Variants in LHFPL3 observed in about 807,000 individuals in gnomAD.
LHFPL3 encodes LHFPL tetraspan subfamily member 3 protein.
Under a neutral mutation model 19.3 loss-of-function variants are expected in LHFPL3, and 5 were observed. The observed-to-expected ratio is 0.26, with a 90% CI of 0.14 to 0.54. The LOEUF (loss-of-function observed/expected upper bound fraction) is 0.54. Ranked by LOEUF, LHFPL3 falls within the 20% of genes least tolerant of loss-of-function variation. The pLI, the probability that LHFPL3 is intolerant of heterozygous loss-of-function variation, is 0.94. For synonymous variants in LHFPL3, 133 were observed against 126.2 expected, an observed-to-expected ratio of 1.05 and a Z score of -0.36; for missense variants, 249 against 307.4, an observed-to-expected ratio of 0.81 and a Z score of 1.42.
At chr7:104,796,010 G>T (rs1790117778) in intron 2 of LHFPL3, among the ~76,000 whole-genome samples, 1 of 152,198 alleles carries the variant, frequency 6.6e-6, no homozygotes, top group Non-Finnish European at 1.5e-5. Context: ...CAGTGCCGGG[G>T]CTTCTGCCTT....
intron 2 of LHFPL3, among the ~76,000 whole-genome samples, chr7:104,800,471 C>T (rs1213147733): frequency 2.6e-5 from 4 of 152,186 alleles, no homozygotes; most frequent in Non-Finnish European, 5.9e-5. Context: ...ACGTGCCTTC[C>T]TTAAACTTAT....
chr7:104,471,170 T>G (rs1792900730), intron 1 of LHFPL3, among the ~76,000 whole-genome samples: 1 of 152,222 alleles, frequency 6.6e-6, no homozygotes, highest in Non-Finnish European at 1.5e-5. Flanking sequence ...TATTTGTTTT[T>G]GGTATATTTT....
At chr7:104,457,228 C>T (rs1049707972) in intron 1 of LHFPL3, among the ~76,000 whole-genome samples, 7 of 151,936 alleles carry the variant, frequency 4.6e-5, no homozygotes, top group Non-Finnish European at 8.8e-5. Context: ...ATTAACTCGT[C>T]ATTTAGCATT....
intron 1 of LHFPL3, among the ~76,000 whole-genome samples, chr7:104,540,361 G>A (rs1462531006): frequency 6.6e-6 from 1 of 152,162 alleles, no homozygotes. Flanking sequence ...CCAGGTTACA[G>A]GGACATTTGG....
At chr7:104,359,009 A>C (rs1388203514) in intron 1 of LHFPL3, among the ~76,000 whole-genome samples, 1 of 152,200 alleles carries the variant, frequency 6.6e-6, no homozygotes, top group Non-Finnish European at 1.5e-5. Flanking sequence ...TCACCAGGAA[A>C]ATGGACTCTG....
chr7:104,715,821 C>T (rs993807824), intron 1 of LHFPL3, among the ~76,000 whole-genome samples: 2 of 152,220 alleles, frequency 1.3e-5, no homozygotes, highest in African/African-American at 2.4e-5. Context: ...TTTTTGCATC[C>T]GTACTTATCA....
At chr7:104,842,231 C>G (rs930660813) in intron 2 of LHFPL3, among the ~76,000 whole-genome samples, 1 of 128,686 alleles carries the variant, frequency 7.8e-6, no homozygotes, top group African/African-American at 3.0e-5. Context: ...CATAGCACGG[C>G]AAAATACTCT....
At chr7:104,339,308 C>G (rs1276537177) in intron 1 of LHFPL3, among the ~76,000 whole-genome samples, 1 of 152,058 alleles carries the variant, frequency 6.6e-6, no homozygotes, top group Non-Finnish European at 1.5e-5. Flanking sequence ...CGACCACTTG[C>G]AAAAACCTTT....
At chr7:104,416,630 TG>T (rs1157906059) in intron 1 of LHFPL3, among the ~76,000 whole-genome samples, 1 of 152,184 alleles carries the variant, frequency 6.6e-6, no homozygotes, top group Non-Finnish European at 1.5e-5. Flanking sequence ...TGATAAAGAA[TG>T]GAATTCTTGC....
intron 1 of LHFPL3, among the ~76,000 whole-genome samples, chr7:104,392,113 C>T (rs900105570): frequency 1.3e-5 from 2 of 152,208 alleles, no homozygotes; most frequent in African/African-American, 4.8e-5. Context: ...TCTAAATTTA[C>T]AGTCGTGTCA....
At chr7:104,691,714 G>A (rs1483484874) in intron 1 of LHFPL3, among the ~76,000 whole-genome samples, 1 of 152,232 alleles carries the variant, frequency 6.6e-6, no homozygotes, top group African/African-American at 2.4e-5. Context: ...TCTCTGAGTG[G>A]TCAAAAACTG....
chr7:104,506,175 C>T (rs938753976), intron 1 of LHFPL3, among the ~76,000 whole-genome samples: 4 of 152,130 alleles, frequency 2.6e-5, no homozygotes, highest in Admixed American at 2.0e-4. Flanking sequence ...TGCCAACACA[C>T]CCAGCTAATT....
At chr7:104,631,215 G>C (rs1314302938) in intron 1 of LHFPL3, among the ~76,000 whole-genome samples, 2 of 152,204 alleles carry the variant, frequency 1.3e-5, no homozygotes, top group African/African-American at 4.8e-5. Flanking sequence ...TGAAGTATAA[G>C]TTTGCAGCTG....
At chr7:104,633,753 G>A (rs950500865) in intron 1 of LHFPL3, among the ~76,000 whole-genome samples, 2 of 152,180 alleles carry the variant, frequency 1.3e-5, no homozygotes, top group African/African-American at 4.8e-5. Context: ...TGTCCTAGAT[G>A]TAAAAGTTCT....
At chr7:104,816,383 T>C (rs1199535796) in intron 2 of LHFPL3, among the ~76,000 whole-genome samples, 1 of 152,206 alleles carries the variant, frequency 6.6e-6, no homozygotes, top group East Asian at 1.9e-4. Flanking sequence ...CAAGAACCAC[T>C]ATGCTGGCTC....
chr7:104,874,405 T>G (rs1279069463), intron 2 of LHFPL3, among the ~76,000 whole-genome samples: 40 of 141,192 alleles, frequency 2.8e-4, no homozygotes, highest in African/African-American at 4.4e-4. Context: ...TTTTTTTTTT[T>G]TGGGGGGGGG....
intron 1 of LHFPL3, among the ~76,000 whole-genome samples, chr7:104,378,836 T>C (rs1340403330): frequency 6.6e-6 from 1 of 152,220 alleles, no homozygotes; most frequent in Non-Finnish European, 1.5e-5. Context: ...GTAAGAGTTA[T>C]GCATAAAAGT....
At chr7:104,583,538 G>A (rs1008251261) in intron 1 of LHFPL3, among the ~76,000 whole-genome samples, 27 of 152,112 alleles carry the variant, frequency 1.8e-4, no homozygotes, top group African/African-American at 5.5e-4. Flanking sequence ...ACAGAATGGG[G>A]TAAAATTTTT....
chr7:104,605,762 A>G (rs1791083960), intron 1 of LHFPL3, among the ~76,000 whole-genome samples: 1 of 152,096 alleles, frequency 6.6e-6, no homozygotes, highest in African/African-American at 2.4e-5. Flanking sequence ...TATAAAGTAA[A>G]GTTTACCACT....
Sources: gnomAD v4.1 joint callset for allele counts (sites outside exome capture counted in the v4.1 genomes callset) on GRCh38, gnomAD v4.1.1 for gene constraint, MANE v1.5 for transcripts, NCBI Gene and HGNC (gene_info 2026-07-23, HGNC 2026-07-21) for gene names.